The following DIAPH3 variants were observed in gnomAD, a reference collection of about 807,000 sequenced individuals.
The protein encoded by DIAPH3 is protein diaphanous homolog 3.
A neutral mutation model predicts 144.3 loss-of-function variants in DIAPH3; 117 were observed. The ratio of observed to expected loss-of-function variants is 0.81; its 90% CI spans 0.70 to 0.95. The LOEUF (loss-of-function observed/expected upper bound fraction) is 0.95, where lower values mean the gene tolerates loss of function less well. Ranked by LOEUF, DIAPH3 falls within the 40% of genes least tolerant of loss-of-function variation. DIAPH3 has a pLI of 0.00. For synonymous variants in DIAPH3, 519 were observed against 488.9 expected (o/e 1.06, Z -0.81); for missense variants, 1,421 against 1,412.7 (o/e 1.01, Z -0.09).
chr13:59,790,173 A>G (rs1022934463), intron 25 of DIAPH3, among the ~76,000 whole-genome samples: 1 of 152,198 alleles, frequency 6.6e-6, no homozygotes, highest in Non-Finnish European at 1.5e-5. Flanking sequence ...ATGTTACACA[A>G]AATAAATCAG....
At chr13:59,902,265 T>C (rs1168270002) in intron 20 of DIAPH3, among the ~76,000 whole-genome samples, 1 of 152,064 alleles carries the variant, frequency 6.6e-6, no homozygotes, top group Non-Finnish European at 1.5e-5. Context: ...ATTTCCCCCT[T>C]TGGTGCTGTT....
chr13:59,880,764 A>G (rs949388845), intron 20 of DIAPH3, among the ~76,000 whole-genome samples: 1 of 152,046 alleles, frequency 6.6e-6, no homozygotes, highest in Non-Finnish European at 1.5e-5. Context: ...ATAGTGAATG[A>G]AAAGTTCCAT....
At chr13:59,839,790 GAC>G (rs2042240889) in intron 22 of DIAPH3, among the ~76,000 whole-genome samples, 1 of 152,088 alleles carries the variant, frequency 6.6e-6, no homozygotes, top group Admixed American at 6.6e-5. Context: ...TTTAAAATTG[GAC>G]TGATTTAAAT....
intron 25 of DIAPH3, among the ~76,000 whole-genome samples, chr13:59,786,072 C>T (rs533943485): frequency 1.2e-4 from 19 of 152,208 alleles, no homozygotes; most frequent in African/African-American, 3.9e-4. Flanking sequence ...GCTGAGATCA[C>T]GCCTCAGCAC....
At chr13:59,824,501 T>C (rs554061605) in intron 24 of DIAPH3, among the ~76,000 whole-genome samples, 4 of 152,166 alleles carry the variant, frequency 2.6e-5, no homozygotes, top group Non-Finnish European at 5.9e-5. Context: ...TAATAACAAA[T>C]GAATTGGCTG....
intron 20 of DIAPH3, among the ~76,000 whole-genome samples, chr13:59,901,161 A>T (rs1476143678): frequency 2.6e-5 from 4 of 152,166 alleles, no homozygotes; most frequent in African/African-American, 9.7e-5. Flanking sequence ...CCAGCATAAC[A>T]CTTCTATGGC....
At chr13:59,912,439 T>C (rs1020530780) in intron 19 of DIAPH3, among the ~76,000 whole-genome samples, 3 of 152,176 alleles carry the variant, frequency 2.0e-5, no homozygotes, top group Non-Finnish European at 2.9e-5. Context: ...ATGATTGATA[T>C]ACCTTGCAGA....
At chr13:59,710,126 G>T (rs1051463317) in intron 27 of DIAPH3, among the ~76,000 whole-genome samples, 5 of 151,920 alleles carry the variant, frequency 3.3e-5, no homozygotes, top group African/African-American at 9.7e-5. Flanking sequence ...GGATAGCATT[G>T]GGAGATATAC....
intron 25 of DIAPH3, among the ~76,000 whole-genome samples, chr13:59,802,057 A>G (rs1463445096): frequency 1.3e-5 from 2 of 152,204 alleles, no homozygotes; most frequent in Non-Finnish European, 2.9e-5. Flanking sequence ...TTAAGGATTT[A>G]ATGTCAGAAT....
intron 23 of DIAPH3, chr13:59,839,103 T>A: frequency 2.4e-6 from 1 of 422,718 alleles, no homozygotes; most frequent in Non-Finnish European, 4.2e-6. Context: ...AAAAAATAAA[T>A]AAATAAATAA....
intron 22 of DIAPH3, among the ~76,000 whole-genome samples, chr13:59,848,495 T>C (rs1280756599): frequency 1.5e-5 from 2 of 132,568 alleles, no homozygotes; most frequent in African/African-American, 5.6e-5. Flanking sequence ...GTCCCCAGAG[T>C]GTGATATTCC....
chr13:60,037,983 T>C (rs913521150), intron 5 of DIAPH3, among the ~76,000 whole-genome samples: 1 of 152,048 alleles, frequency 6.6e-6, no homozygotes, highest in African/African-American at 2.4e-5. Flanking sequence ...GCATGGAAGA[T>C]GACTGGTTAA....
chr13:59,690,691 G>T (rs1010448061), intron 27 of DIAPH3, among the ~76,000 whole-genome samples: 10 of 152,014 alleles, frequency 6.6e-5, no homozygotes, highest in African/African-American at 2.4e-4. Context: ...ATTAACTTTG[G>T]GAATACACTG....
rs564646517 is a variant in DIAPH3 at position 59,979,409 on chromosome 13, G to A, written c.1545+1386C>T. On this transcript the variant is annotated intron_variant, in intron 14 of 27. Transcript: ENST00000400324. ...TAGAATACAATGTTGGCTGGGGGAAGGGTCACCCCACAACATGAACATCTA... is the reference window on the plus strand; with the variant it reads ...TAGAATACAATGTTGGCTGGGGGAAAGGTCACCCCACAACATGAACATCTA... Among the ~76,000 whole-genome samples the A allele has an allele frequency of 5.3e-5, 8 of 151,630 alleles. No homozygotes were observed. The South Asian group carries it at 1.7e-3, about 31-fold the overall frequency.
At chr13:59,867,055 T>A (rs895322267) in intron 21 of DIAPH3, among the ~76,000 whole-genome samples, 7 of 145,078 alleles carry the variant, frequency 4.8e-5, no homozygotes, top group South Asian at 2.1e-4. Flanking sequence ...ACATATATAT[T>A]TATTTATTTA....
At chr13:59,895,230 G>C (rs1304181107) in intron 20 of DIAPH3, among the ~76,000 whole-genome samples, 1 of 152,040 alleles carries the variant, frequency 6.6e-6, no homozygotes, top group Non-Finnish European at 1.5e-5. Flanking sequence ...TTTGGTAGTG[G>C]TGATGCTGGT....
rs920931258 is a variant in DIAPH3, at chr13:59,906,112, T to C, written c.2367+5623A>G. Among the ~76,000 whole-genome samples, 7 of 152,192 alleles carry C rather than the reference T, an allele frequency of 4.6e-5. No homozygotes were observed. In the South Asian group the frequency reaches 1.0e-3, roughly 23 times the overall value. Reference sequence around the variant, plus strand: ...CAGACAATGTGCAATACTAATGCACTGCCTTCAAATACAAAGATGTATACA... The same window carrying C: ...CAGACAATGTGCAATACTAATGCACCGCCTTCAAATACAAAGATGTATACA... On this transcript the variant is annotated intron_variant, in intron 20 of 27. Coordinates refer to ENST00000400324, the MANE Select transcript of DIAPH3 (RefSeq NM_001042517.2).
intron 2 of DIAPH3, among the ~76,000 whole-genome samples, chr13:60,118,462 G>A (rs1036590557): frequency 6.6e-6 from 1 of 152,088 alleles, no homozygotes; most frequent in Non-Finnish European, 1.5e-5. Flanking sequence ...AAATTTTCAC[G>A]AAATCCAGGA....
At chr13:60,050,418 G>A (rs964833426) in intron 4 of DIAPH3, among the ~76,000 whole-genome samples, 4 of 152,166 alleles carry the variant, frequency 2.6e-5, no homozygotes, top group Non-Finnish European at 4.4e-5. Context: ...GCAGGGCTCC[G>A]ATCCTCTAGG....
Sources: allele counts gnomAD v4.1 joint callset (sites outside exome capture counted in the v4.1 genomes callset), GRCh38; gene constraint gnomAD v4.1.1; transcripts MANE v1.5; gene names NCBI Gene and HGNC (gene_info 2026-07-23, HGNC 2026-07-21).